Variants in CIBAR1 observed in about 807,000 individuals in gnomAD.
The protein encoded by CIBAR1 is CBY1-interacting BAR domain-containing protein 1.
A neutral mutation model predicts 44.0 loss-of-function variants in CIBAR1; 25 were observed. The ratio of observed to expected loss-of-function variants is 0.57; its 90% CI spans 0.41 to 0.79. The LOEUF is 0.79. Among genes scored for constraint, CIBAR1 ranks in the 30% least tolerant of loss-of-function variants. The pLI is 0.00. For missense variants in CIBAR1, 278 were observed against 344.8 expected (o/e 0.81, Z 1.53); for synonymous variants, 115 against 119.0 (o/e 0.97, Z 0.22).
intron 3 of CIBAR1, 130 bp downstream of exon 3, chr8:93,703,818 A>G (rs1810467399): frequency 1.5e-6 from 1 of 670,794 alleles, no homozygotes; most frequent in African/African-American, 1.9e-5. Flanking sequence ...TAATCCCAAC[A>G]CTTTGGGAGG....
intron 7 of CIBAR1, chr8:93,724,721 C>A: frequency 1.9e-6 from 2 of 1,072,452 alleles, no homozygotes; most frequent in Non-Finnish European, 2.3e-6. Context: ...GCATATATAA[C>A]TATTTAAAGT....
intron 1 of CIBAR1, 129 bp downstream of exon 1, chr8:93,700,802 C>T (rs1563636351): frequency 7.4e-7 from 1 of 1,346,552 alleles, no homozygotes; most frequent in African/African-American, 1.5e-5. Flanking sequence ...ACGGTCCCCG[C>T]TGTGACCTGG....
At chr8:93,700,936 T>G (rs1810317934) in intron 1 of CIBAR1, 1 of 1,374,988 alleles carries the variant, frequency 7.3e-7, no homozygotes, top group Non-Finnish European at 9.3e-7. Context: ...TGCGGAAGCC[T>G]AGGAGGCAGC....
At position 93,703,646 on chromosome 8, in the gene CIBAR1, T is replaced by G; in HGVS notation, c.288T>G (p.Val96=). 6.4e-7 allele frequency: 1 copy of G among 1,551,504 alleles called. No individual in the cohort carries two copies. Among genetic ancestry groups the G allele is most frequent in the Non-Finnish European group, 8.7e-7 (1 of 1,147,180 alleles). ...TTGAAAGACTTGAAGCCAAAGTAGT[T>G]GAACCCTTGAAAACTTATGGGACCA... is the stretch of plus-strand genomic sequence containing the variant. ...AEVERLEAKV[V]EPLKTYGTIV... is the part of the protein sequence containing the mutation. The change falls in exon 3 of 9, where the codon GTT becomes GTG. Residue 96 remains valine, a synonymous_variant. Coordinates refer to ENST00000518322, the MANE Select transcript of CIBAR1 (RefSeq NM_145269.5).
intron 7 of CIBAR1, chr8:93,720,154 T>G (rs1811203542): frequency 6.6e-6 from 1 of 152,200 alleles, no homozygotes; most frequent in Non-Finnish European, 1.5e-5. Flanking sequence ...CGGCTAATTT[T>G]TCTATTTTTA....
At chr8:93,700,790 G>C in intron 1 of CIBAR1, 117 bp downstream of exon 1, 1 of 1,360,168 alleles carries the variant, frequency 7.4e-7, no homozygotes, top group Non-Finnish European at 9.5e-7. Flanking sequence ...GTGGGAGGCT[G>C]CACGGTCCCC....
chr8:93,705,771 G>T (rs1261819699), intron 4 of CIBAR1, among the ~76,000 whole-genome samples: 1 of 152,018 alleles, frequency 6.6e-6, no homozygotes, highest in Non-Finnish European at 1.5e-5. Flanking sequence ...CCAACATAGT[G>T]AAACCCTGTC....
At chr8:93,709,595 T>C in intron 5 of CIBAR1, 176 bp from the exon 6 acceptor site, 1 of 579,308 alleles carries the variant, frequency 1.7e-6, no homozygotes, top group Non-Finnish European at 3.1e-6. Context: ...TAAAGTTCTT[T>C]ATTCTGCATG....
chr8:93,727,535 G>A (rs189136967), intron 8 of CIBAR1, among the ~76,000 whole-genome samples: 2 of 152,262 alleles, frequency 1.3e-5, no homozygotes, highest in Admixed American at 6.5e-5. Flanking sequence ...CACCAGGGAG[G>A]AAGAAGGGGA....
intron 7 of CIBAR1, among the ~76,000 whole-genome samples, chr8:93,724,130 G>A (rs145586971): frequency 0.014 from 2,075 of 152,242 alleles, 52 homozygotes; most frequent in African/African-American, 0.045. Flanking sequence ...GGCTGAAGCA[G>A]GAGAATCACT....
intron 6 of CIBAR1, chr8:93,715,658 A>G (rs1250214146): frequency 6.6e-6 from 1 of 152,178 alleles, no homozygotes; most frequent in Non-Finnish European, 1.5e-5. Flanking sequence ...CCTAACAGTT[A>G]TACATCAATG....
chr8:93,714,791 T>A (rs1295921529), intron 6 of CIBAR1, among the ~76,000 whole-genome samples: 2 of 152,152 alleles, frequency 1.3e-5, no homozygotes, highest in African/African-American at 2.4e-5. Flanking sequence ...GCTGGCCCCC[T>A]TATTTCTAAT....
intron 6 of CIBAR1, among the ~76,000 whole-genome samples, chr8:93,716,853 A>AT (rs1262501243): frequency 6.6e-6 from 1 of 152,234 alleles, no homozygotes; most frequent in African/African-American, 2.4e-5. Flanking sequence ...TCAAATGGAT[A>AT]AACAGTTCTC....
chr8:93,730,027 G>A lies in CIBAR1; in HGVS notation c.*1730G>A, dbSNP rs1811725294. On this transcript the variant is annotated 3_prime_UTR_variant, in exon 9 of 9. Coordinates refer to ENST00000518322, the MANE Select transcript of CIBAR1 (RefSeq NM_145269.5). ...CCAAAAATCTGAAATCTTAAATGCT[G>A]CAATGAGCATTTTCTTTGAGCATCA... 6.6e-6 allele frequency: 1 copy of A among 152,150 alleles called. No individual in the cohort carries two copies. Among genetic ancestry groups the A allele is most frequent in the Non-Finnish European group, 1.5e-5 (1 of 68,012 alleles). 9.4% of individuals were successfully genotyped at this position (152,150 alleles called of 1,614,324 possible).
At chr8:93,703,298 C>G (rs1810440011) in intron 2 of CIBAR1, among the ~76,000 whole-genome samples, 1 of 152,122 alleles carries the variant, frequency 6.6e-6, no homozygotes, top group African/African-American at 2.4e-5. Context: ...TGCAAAGTAT[C>G]CATTACTGTG....
At chr8:93,702,056 T>C (rs1217202929) in intron 2 of CIBAR1, 1 of 236,742 alleles carries the variant, frequency 4.2e-6, no homozygotes, top group African/African-American at 2.3e-5. Flanking sequence ...ATTTTTCCTT[T>C]AAATACTTAA....
intron 1 of CIBAR1, chr8:93,700,914 TGCCGCGGGCAGTGCGGAAGCCTAGGA>T: frequency 7.5e-7 from 1 of 1,330,986 alleles, no homozygotes; most frequent in Non-Finnish European, 9.5e-7. Context: ...GTCCCCACAC[TGCCGCGGGCAGTGCGGAAGCCTAGGA>T]GGCAGCCGGG....
At chr8:93,715,621 C>A (rs1178621196) in intron 6 of CIBAR1, 1 of 152,154 alleles carries the variant, frequency 6.6e-6, no homozygotes, top group African/African-American at 2.4e-5. Flanking sequence ...CTCAAAACAT[C>A]ATTATGAGGA....
chr8:93,726,400 C>T lies in CIBAR1; in HGVS notation c.664C>T (p.Arg222Ter), dbSNP rs371759418. 57 of 1,611,704 alleles carry T rather than the reference C, an allele frequency of 3.5e-5. No homozygotes were observed. The highest frequency in any genetic ancestry group is 4.5e-5 in the Non-Finnish European group (53 of 1,178,684). ...TATTTTATCATTACAATAGGTTTTC[C>T]GAAATTCTCTGTATGCACCAGATTA... ...IDEDEDLEVF[R>*]NSLYAPDYSS... is the part of the protein sequence containing the mutation. Residue 222 changes from arginine (R) to a stop codon, truncating the protein, a stop_gained, in exon 8 of 9, where the codon CGA becomes TGA. Coordinates refer to ENST00000518322, the MANE Select transcript of CIBAR1 (RefSeq NM_145269.5). LOFTEE classifies it high-confidence loss of function.
Sources: gnomAD v4.1 joint callset for allele counts (sites outside exome capture counted in the v4.1 genomes callset) on GRCh38, gnomAD v4.1.1 for gene constraint, MANE v1.5 for transcripts, NCBI Gene and HGNC (gene_info 2026-07-23, HGNC 2026-07-21) for gene names.